The following LPAR3 variants were observed in gnomAD, a reference collection of about 807,000 sequenced individuals.
The protein encoded by LPAR3 is LPA receptor 3.
Under a neutral mutation model 17.8 loss-of-function variants are expected in LPAR3, and 7 were observed. The observed-to-expected ratio is 0.39, with a 90% CI of 0.22 to 0.74. The LOEUF is 0.74. Ranked by LOEUF, LPAR3 falls within the 30% of genes least tolerant of loss-of-function variation. LPAR3 has a pLI of 0.40. For missense variants in LPAR3, 391 were observed against 453.4 expected (o/e 0.86, Z 1.25); for synonymous variants, 179 against 179.9 (o/e 0.99, Z 0.04).
intron 2 of LPAR3, among the ~76,000 whole-genome samples, chr1:84,849,073 T>C (rs1659650235): frequency 6.6e-6 from 1 of 152,186 alleles, no homozygotes; most frequent in Admixed American, 6.5e-5. Flanking sequence ...GGAAGAGTTA[T>C]TTAACTTGTA....
In LPAR3 at chr1:84,842,755, T is replaced by G. The variant is rs1027306466; in HGVS notation, c.736+22630A>C. 1.3e-5 allele frequency among the ~76,000 whole-genome samples: 2 copies of G among 152,206 alleles called. 1 individual carries two copies. Among genetic ancestry groups the G allele is most frequent in the South Asian group, 4.1e-4 (2 of 4,828 alleles). ...GTAGAAGATAATCATAACAGTCCTATGTTTGAATTTCAAGTTCAAGATCAC... is the reference window on the plus strand; with the variant it reads ...GTAGAAGATAATCATAACAGTCCTAGGTTTGAATTTCAAGTTCAAGATCAC... On this transcript the variant is annotated intron_variant, in intron 2 of 2. Coordinates refer to ENST00000370611, the MANE Select transcript of LPAR3 (RefSeq NM_012152.3).
At chr1:84,872,155 A>G (rs1193014149) in intron 1 of LPAR3, among the ~76,000 whole-genome samples, 1 of 152,224 alleles carries the variant, frequency 6.6e-6, no homozygotes, top group African/African-American at 2.4e-5. Context: ...CCCAGCACAC[A>G]TTAGGCACTC....
rs1269819196 is a variant in LPAR3 at position 84,865,369 on chromosome 1, G to C, written c.736+16C>G. ...AATGAATGGGAATGATGGCTTGCTT[G>C]GGTCCTCTTACCTACCTAAGACAGT... On this transcript the variant is annotated intron_variant, in intron 2 of 2. Transcript: ENST00000370611. 4.4e-6 allele frequency: 7 copies of C among 1,592,082 alleles called. No individual in the cohort carries two copies. The highest frequency in any genetic ancestry group is 6.0e-6 in the Non-Finnish European group (7 of 1,168,376).
chr1:84,854,274 C>T (rs1320164420), intron 2 of LPAR3, among the ~76,000 whole-genome samples: 3 of 152,168 alleles, frequency 2.0e-5, no homozygotes, highest in African/African-American at 7.2e-5. Context: ...AATGCCTTCC[C>T]CTTTCCTCTC....
chr1:84,879,575 T>TG (rs1660325368), intron 1 of LPAR3, among the ~76,000 whole-genome samples: 1 of 152,130 alleles, frequency 6.6e-6, no homozygotes, highest in Non-Finnish European at 1.5e-5. Flanking sequence ...CCTCCCAAAG[T>TG]GATGGGATTA....
At chr1:84,817,539 C>G (rs1484652659) in intron 2 of LPAR3, among the ~76,000 whole-genome samples, 1 of 152,176 alleles carries the variant, frequency 6.6e-6, no homozygotes, top group East Asian at 1.9e-4. Flanking sequence ...ACAGCTGTTT[C>G]CCAGGGTCAC....
chr1:84,822,459 T>A (rs1659076393), intron 2 of LPAR3, among the ~76,000 whole-genome samples: 1 of 152,190 alleles, frequency 6.6e-6, no homozygotes. Context: ...AATTAAGGAA[T>A]GTCTAACACT....
At chr1:84,880,569 G>A (rs1015669805) in intron 1 of LPAR3, among the ~76,000 whole-genome samples, 1 of 152,198 alleles carries the variant, frequency 6.6e-6, no homozygotes, top group Non-Finnish European at 1.5e-5. Context: ...CCATGCTGCA[G>A]AGGACCTCAG....
At chr1:84,824,706 C>T (rs1416109063) in intron 2 of LPAR3, among the ~76,000 whole-genome samples, 1 of 152,170 alleles carries the variant, frequency 6.6e-6, no homozygotes, top group Non-Finnish European at 1.5e-5. Flanking sequence ...GTTGTGACTA[C>T]CCAGATAGTG....
At chr1:84,845,986 A>G (rs1659589188) in intron 2 of LPAR3, among the ~76,000 whole-genome samples, 1 of 152,198 alleles carries the variant, frequency 6.6e-6, no homozygotes, top group Non-Finnish European at 1.5e-5. Flanking sequence ...CATTACTCTT[A>G]GCAAAGCCTC....
chr1:84,832,862 T>C (rs898066439), intron 2 of LPAR3, among the ~76,000 whole-genome samples: 2 of 152,218 alleles, frequency 1.3e-5, no homozygotes, highest in South Asian at 2.1e-4. Flanking sequence ...ATCAGATATA[T>C]TGAAACCACA....
intron 2 of LPAR3, among the ~76,000 whole-genome samples, chr1:84,848,883 C>T (rs1460448208): frequency 6.6e-6 from 1 of 152,142 alleles, no homozygotes; most frequent in Non-Finnish European, 1.5e-5. Flanking sequence ...AGGAACTCTG[C>T]TACATGTTTT....
chr1:84,889,005 G>T (rs1327922591), intron 1 of LPAR3, among the ~76,000 whole-genome samples: 1 of 152,144 alleles, frequency 6.6e-6, no homozygotes, highest in African/African-American at 2.4e-5. Flanking sequence ...CACATCTGAA[G>T]AGGGGTGACA....
chr1:84,860,272 C>T (rs1659913782), intron 2 of LPAR3, among the ~76,000 whole-genome samples: 2 of 152,142 alleles, frequency 1.3e-5, no homozygotes, highest in Non-Finnish European at 2.9e-5. Flanking sequence ...TTGTGTTCAA[C>T]CAAAATCCCA....
chr1:84,874,358 A>G (rs1175092150), intron 1 of LPAR3, among the ~76,000 whole-genome samples: 1 of 152,220 alleles, frequency 6.6e-6, no homozygotes, highest in East Asian at 1.9e-4. Flanking sequence ...AGGACAGCCC[A>G]TGGCACGTCA....
intron 2 of LPAR3, among the ~76,000 whole-genome samples, chr1:84,825,526 G>T (rs1177546684): frequency 6.6e-6 from 1 of 152,160 alleles, no homozygotes; most frequent in South Asian, 2.1e-4. Context: ...AAATGGACAG[G>T]AATGTTAAGA....
At chr1:84,845,296 T>C (rs192503297) in intron 2 of LPAR3, among the ~76,000 whole-genome samples, 329 of 152,336 alleles carry the variant, frequency 2.2e-3, no homozygotes, top group Non-Finnish European at 3.9e-3. Flanking sequence ...CTACCTGTAT[T>C]TCATTGACTC....
chr1:84,813,751 A>G lies in LPAR3; in HGVS notation c.*95T>C. On this transcript the variant is annotated 3_prime_UTR_variant, in exon 3 of 3. Transcript: ENST00000370611. ...TAGCAGTGATTAATGGAGACCTCAAATAACACTGTACATGGGCTTTGTTAG... is the reference window on the plus strand; with the variant it reads ...TAGCAGTGATTAATGGAGACCTCAAGTAACACTGTACATGGGCTTTGTTAG... 9.6e-7 allele frequency: 1 copy of G among 1,046,738 alleles called. No homozygotes were observed. The highest frequency in any genetic ancestry group is 1.4e-6 in the Non-Finnish European group (1 of 726,750). 64.8% of individuals were successfully genotyped at this position (1,046,738 alleles called of 1,614,324 possible).
intron 1 of LPAR3, among the ~76,000 whole-genome samples, chr1:84,887,126 A>G (rs1339111569): frequency 6.6e-6 from 1 of 152,070 alleles, no homozygotes; most frequent in Non-Finnish European, 1.5e-5. Context: ...GCACTTTGGG[A>G]GGCCAAGGCA....
Sources: gnomAD v4.1 joint callset for allele counts (sites outside exome capture counted in the v4.1 genomes callset) on GRCh38, gnomAD v4.1.1 for gene constraint, MANE v1.5 for transcripts, NCBI Gene and HGNC (gene_info 2026-07-23, HGNC 2026-07-21) for gene names.